PCDHGA1: variants seen among roughly 807,000 people sequenced by gnomAD.
PCDHGA1 encodes protocadherin gamma subfamily A, 1.
PCDHGA1 carries 32 observed loss-of-function variants against 58.0 expected under a neutral mutation model. The observed-to-expected ratio is 0.55, with a 90% CI of 0.42 to 0.74. The LOEUF is 0.74. PCDHGA1 is among the 30% of genes least tolerant of loss of function. PCDHGA1 has a pLI of 0.00. For missense variants in PCDHGA1, 1,205 were observed against 1,182.3 expected (o/e 1.02, Z -0.28); for synonymous variants, 498 against 501.1 (o/e 0.99, Z 0.08).
At position 141,401,132 on chromosome 5, in the gene PCDHGA1, A is replaced by G. The variant is rs534048041; in HGVS notation, c.2421+68027A>G. Among the ~76,000 whole-genome samples, 4 of 152,344 alleles carry G rather than the reference A, an allele frequency of 2.6e-5. No homozygotes were observed. In the South Asian group the frequency reaches 8.3e-4, roughly 32 times the overall value. ...GCCGAGGCGGTTGGATCACATGGTCAGGAGTTCAAGACCAGCCTGGGCAAT... is the reference window on the plus strand; with the variant it reads ...GCCGAGGCGGTTGGATCACATGGTCGGGAGTTCAAGACCAGCCTGGGCAAT... On this transcript the variant is annotated intron_variant, in intron 1 of 3. Coordinates refer to ENST00000517417, the MANE Select transcript of PCDHGA1 (RefSeq NM_018912.3).
rs201325462 is a variant in PCDHGA1, at chr5:141,371,687, G to C, written c.2421+38582G>C. The C allele has an allele frequency of 3.2e-3, 5,173 of 1,614,012 alleles. 13 individuals are homozygous for C. The highest frequency in any genetic ancestry group is 4.1e-3 in the Non-Finnish European group (4,801 of 1,179,898). ...CAGCTACCGACAAAGGCAATCCACC[G>C]CTCTCCTCCAGCAAGACCATCACTC... On this transcript the variant is annotated intron_variant, in intron 1 of 3. Coordinates refer to ENST00000517417, the MANE Select transcript of PCDHGA1 (RefSeq NM_018912.3).
chr5:141,419,845 G>A, intron 1 of PCDHGA1: 3 of 1,614,064 alleles, frequency 1.9e-6, no homozygotes, highest in Non-Finnish European at 2.5e-6. Context: ...CGCTGCACCT[G>A]GTGTTCGCAG....
chr5:141,332,858 T>A lies in PCDHGA1; in HGVS notation c.2174T>A (p.Leu725Gln). The part of the protein sequence containing the change: ...RLRRWHKSRL[L>Q]QASGGGLASM... ...CGGCGCTGGCACAAGTCACGTCTGC[T>A]ACAGGCTTCGGGAGGCGGCTTAGCG... Residue 725 changes from leucine (L) to glutamine (Q), a missense_variant, in exon 1 of 4, where the codon CTA becomes CAA. Leu to Gln is a moderately radical substitution (Grantham distance 113). Coordinates refer to ENST00000517417, the MANE Select transcript of PCDHGA1 (RefSeq NM_018912.3). This position sits in a 1 kb window ranked among gnomAD's most constrained non-coding sequence, Gnocchi z 4.6. 6.2e-7 allele frequency: 1 copy of A among 1,614,240 alleles called. No individual in the cohort carries two copies. Among genetic ancestry groups the A allele is most frequent in the Non-Finnish European group, 8.5e-7 (1 of 1,180,044 alleles).
At chr5:141,389,413 G>A in intron 1 of PCDHGA1, 1 of 1,613,608 alleles carries the variant, frequency 6.2e-7, no homozygotes, top group South Asian at 1.1e-5. Flanking sequence ...GCGGAGAGCG[G>A]GGTGGTGTTC....
At position 141,389,178 on chromosome 5, in the gene PCDHGA1, T is replaced by G. The variant is rs1280956707; in HGVS notation, c.2421+56073T>G. 2 of 1,613,974 alleles carry G rather than the reference T, an allele frequency of 1.2e-6. No individual in the cohort carries two copies. The highest frequency in any genetic ancestry group is 1.7e-6 in the Non-Finnish European group (2 of 1,179,890). ...AGATCGGGGCAAGCCTCCCCTCTCC[T>G]CCAGTTCCAGCATCACCCTGCACAT... On this transcript the variant is annotated intron_variant, in intron 1 of 3. Coordinates refer to ENST00000517417, the MANE Select transcript of PCDHGA1 (RefSeq NM_018912.3).
Position 141,352,128 on chromosome 5 carries a change from G to A in PCDHGA1, c.2421+19023G>A, listed in dbSNP as rs369451031. ...CTGGGGTTGCGCACGGGTGAGGTGCGCACAGCGCGTGCCTTGGGCGACAGG... is the reference window on the plus strand; with the variant it reads ...CTGGGGTTGCGCACGGGTGAGGTGCACACAGCGCGTGCCTTGGGCGACAGG... On this transcript the variant is annotated intron_variant, in intron 1 of 3. Transcript: ENST00000517417. The A allele has an allele frequency of 4.3e-5, 69 of 1,610,058 alleles. No homozygotes were observed. The African/African-American group carries it at 7.9e-4, about 18-fold the overall frequency.
Position 141,486,814 on chromosome 5 carries a change from C to T in PCDHGA1, c.2422-7993C>T, listed in dbSNP as rs1048351154. On this transcript the variant is annotated intron_variant, in intron 1 of 3. Transcript: ENST00000517417. The surrounding 1 kb of genome is among the most constrained non-coding windows in gnomAD (Gnocchi z 5.0). ...ATCGGGGCAACCCACCCCTTAGCAG[C>T]ACTGTAACAGTTCGTCTATTTGTGC... 1.2e-6 allele frequency: 2 copies of T among 1,614,122 alleles called. No individual in the cohort carries two copies. Among genetic ancestry groups the T allele is most frequent in the Non-Finnish European group, 1.7e-6 (2 of 1,180,052 alleles).
intron 1 of PCDHGA1, chr5:141,383,141 G>A (rs781049830): frequency 1.2e-6 from 2 of 1,614,134 alleles, no homozygotes; most frequent in Admixed American, 1.7e-5. Flanking sequence ...AACCAGCGCA[G>A]CGGCAGCTTG....
At chr5:141,369,790 A>G (rs1005074497) in intron 1 of PCDHGA1, among the ~76,000 whole-genome samples, 2 of 152,248 alleles carry the variant, frequency 1.3e-5, no homozygotes, top group African/African-American at 4.8e-5. Flanking sequence ...TCTTTATACT[A>G]CGTCTTCTGC....
At chr5:141,356,973 G>A in intron 1 of PCDHGA1, 2 of 1,614,266 alleles carry the variant, frequency 1.2e-6, no homozygotes, top group East Asian at 2.2e-5. Flanking sequence ...TGACCAAAGT[G>A]GTGGCAGTGG....
At chr5:141,340,918 C>A (rs769573354) in intron 1 of PCDHGA1, 1 of 1,613,788 alleles carries the variant, frequency 6.2e-7, no homozygotes, top group Admixed American at 1.7e-5. Flanking sequence ...TCCAGGACCA[C>A]GGCCAGCCCC....
chr5:141,474,819 G>A (rs1180279468), intron 1 of PCDHGA1, among the ~76,000 whole-genome samples: 1 of 152,190 alleles, frequency 6.6e-6, no homozygotes, highest in Non-Finnish European at 1.5e-5. Flanking sequence ...CATTAATTGA[G>A]GCTTACTCTG....
chr5:141,398,862 C>A (rs771326288), intron 1 of PCDHGA1: 5 of 1,613,966 alleles, frequency 3.1e-6, no homozygotes, highest in Admixed American at 1.7e-5. Flanking sequence ...TCAACCGAGA[C>A]GTGTACAGAG....
chr5:141,372,093 C>T (rs775337385), intron 1 of PCDHGA1: 1 of 1,613,786 alleles, frequency 6.2e-7, no homozygotes, highest in Admixed American at 1.7e-5. Flanking sequence ...GTACCCAGCT[C>T]TGGGGCCCGA....
chr5:141,366,488 C>T, intron 1 of PCDHGA1: 5 of 1,614,264 alleles, frequency 3.1e-6, no homozygotes, highest in Non-Finnish European at 4.2e-6. Flanking sequence ...GAGGCGCTGG[C>T]ACAAGTCACG....
At chr5:141,397,195 G>T (rs2093485269) in intron 1 of PCDHGA1, among the ~76,000 whole-genome samples, 1 of 152,150 alleles carries the variant, frequency 6.6e-6, no homozygotes, top group Non-Finnish European at 1.5e-5. Context: ...TACTGTAAAA[G>T]ATATGACATA....
At position 141,331,281 on chromosome 5, in the gene PCDHGA1, C is replaced by G. The variant is rs1250123357; in HGVS notation, c.597C>G (p.Pro199=). 1 of 1,614,130 alleles carries G rather than the reference C, an allele frequency of 6.2e-7. No individual in the cohort carries two copies. The highest frequency in any genetic ancestry group is 8.5e-7 in the Non-Finnish European group (1 of 1,180,034). The part of the protein sequence containing the change: ...PQHPEMVLQS[P]LDREEEAVHH... ...ATCCAGAGATGGTGCTGCAGAGTCCCTTAGACAGAGAAGAAGAAGCTGTCC... is the reference window on the plus strand; with the variant it reads ...ATCCAGAGATGGTGCTGCAGAGTCCGTTAGACAGAGAAGAAGAAGCTGTCC... Residue 199 remains proline, a synonymous_variant, in exon 1 of 4, where the codon CCC becomes CCG. Coordinates refer to ENST00000517417, the MANE Select transcript of PCDHGA1 (RefSeq NM_018912.3).
rs781550738 is a variant in PCDHGA1 at position 141,487,383 on chromosome 5, C to A, written c.2422-7424C>A. On this transcript the variant is annotated intron_variant, in intron 1 of 3. Transcript: ENST00000517417. This position sits in a 1 kb window ranked among gnomAD's most constrained non-coding sequence, Gnocchi z 5.0. Reference sequence around the variant, plus strand: ...GGCACCTGTGCCTGTCTCACCAGATCTCGAAGGAGGGAGGGGCTTCCCCCT... The same window carrying A: ...GGCACCTGTGCCTGTCTCACCAGATATCGAAGGAGGGAGGGGCTTCCCCCT... The A allele has an allele frequency of 3.7e-6, 6 of 1,614,196 alleles. No individual in the cohort carries two copies. The South Asian group carries it at 6.6e-5, about 18-fold the overall frequency.
chr5:141,344,552 C>T, intron 1 of PCDHGA1: 1 of 1,614,024 alleles, frequency 6.2e-7, no homozygotes, highest in South Asian at 1.1e-5. Flanking sequence ...ACAAGCTTAG[C>T]CCCAATGACT....
Sources: allele counts gnomAD v4.1 joint callset (sites outside exome capture counted in the v4.1 genomes callset), GRCh38; gene constraint gnomAD v4.1.1; non-coding constraint Gnocchi (gnomAD v3.1); transcripts MANE v1.5; gene names NCBI Gene and HGNC (gene_info 2026-07-23, HGNC 2026-07-21).